Variants in PRKG2 observed in about 807,000 individuals in gnomAD.
PRKG2 encodes protein kinase cGMP-dependent 2.
In PRKG2, 33 loss-of-function variants were observed where a neutral mutation model predicts 97.2. The observed-to-expected ratio is 0.34, with a 90% CI of 0.26 to 0.45. The LOEUF (loss-of-function observed/expected upper bound fraction) is 0.45. Among genes scored for constraint, PRKG2 ranks in the 20% least tolerant of loss-of-function variants. The probability of loss-of-function intolerance (pLI) is 1.00; values close to 1 mark genes in which losing one functional copy is unlikely to be tolerated. For missense variants in PRKG2, 638 were observed against 900.0 expected (o/e 0.71, Z 3.73); for synonymous variants, 330 against 321.8 (o/e 1.03, Z -0.27).
intron 3 of PRKG2, among the ~76,000 whole-genome samples, chr4:81,174,496 T>C (rs560675923): frequency 2.8e-4 from 42 of 152,142 alleles, no homozygotes; most frequent in African/African-American, 9.9e-4. Context: ...TCCATGTTAG[T>C]AACATGGAGA....
intron 2 of PRKG2, among the ~76,000 whole-genome samples, chr4:81,202,435 C>A (rs1019000347): frequency 3.3e-5 from 5 of 152,072 alleles, no homozygotes; most frequent in African/African-American, 1.2e-4. Flanking sequence ...AGAATGTTTC[C>A]ATTTTTTATT....
intron 2 of PRKG2, among the ~76,000 whole-genome samples, chr4:81,178,080 TG>T (rs1189509712): frequency 7.7e-6 from 1 of 129,916 alleles, no homozygotes; most frequent in Non-Finnish European, 1.6e-5. Context: ...GGTGTCTACC[TG>T]GGGTCCTGGT....
At chr4:81,207,107 C>G (rs1299512388) in intron 1 of PRKG2, among the ~76,000 whole-genome samples, 1 of 152,072 alleles carries the variant, frequency 6.6e-6, no homozygotes, top group African/African-American at 2.4e-5. Context: ...AAAGAAGTAG[C>G]CCTGGACATA....
At chr4:81,130,123 C>T (rs1746022092) in intron 14 of PRKG2, among the ~76,000 whole-genome samples, 1 of 152,120 alleles carries the variant, frequency 6.6e-6, no homozygotes. Context: ...TTTTTCCTCA[C>T]TTACATGGAT....
At chr4:81,110,881 C>A (rs938349018) in intron 14 of PRKG2, among the ~76,000 whole-genome samples, 1 of 150,942 alleles carries the variant, frequency 6.6e-6, no homozygotes, top group Non-Finnish European at 1.5e-5. Context: ...TACCTCTCTG[C>A]CCACGACCCC....
At chr4:81,186,342 G>A (rs373302171) in intron 2 of PRKG2, among the ~76,000 whole-genome samples, 23 of 152,140 alleles carry the variant, frequency 1.5e-4, no homozygotes, top group African/African-American at 4.6e-4. Context: ...ACAACTATAT[G>A]GAAACTGAAC....
At chr4:81,138,911 G>A (rs1746980535) in intron 12 of PRKG2, among the ~76,000 whole-genome samples, 1 of 152,116 alleles carries the variant, frequency 6.6e-6, no homozygotes, top group South Asian at 2.1e-4. Flanking sequence ...AAACTTCTTT[G>A]TTGATCTTGG....
intron 14 of PRKG2, among the ~76,000 whole-genome samples, chr4:81,115,530 A>T (rs1419739735): frequency 6.6e-6 from 1 of 152,202 alleles, no homozygotes; most frequent in Non-Finnish European, 1.5e-5. Context: ...TTGGAAGTGT[A>T]TTTAATTTGT....
At chr4:81,199,116 T>G (rs142134222) in intron 2 of PRKG2, among the ~76,000 whole-genome samples, 2 of 152,210 alleles carry the variant, frequency 1.3e-5, no homozygotes, top group Admixed American at 6.5e-5. Flanking sequence ...AGCCTGTATA[T>G]ACACTCTTAA....
At chr4:81,130,830 C>T (rs1746101582) in intron 14 of PRKG2, among the ~76,000 whole-genome samples, 1 of 152,062 alleles carries the variant, frequency 6.6e-6, no homozygotes, top group Non-Finnish European at 1.5e-5. Context: ...TGATGCCCCT[C>T]CCCCCACCAA....
rs1449915661 is a variant in PRKG2, at chr4:81,088,496, A to C, written c.*1212T>G. On this transcript the variant is annotated 3_prime_UTR_variant, in exon 19 of 19. Coordinates refer to ENST00000264399, the MANE Select transcript of PRKG2 (RefSeq NM_006259.3). ...AATACATACAACCATTCACCAGTGA[A>C]GTTCTTAGGTACTAGGTCCCATGCT... The C allele has an allele frequency of 6.6e-6, 1 of 152,154 alleles. No homozygotes were observed. Among genetic ancestry groups the C allele is most frequent in the African/African-American group, 2.4e-5 (1 of 41,456 alleles). The allele number at this position is 152,154 out of a possible 1,614,324, so 9.4% of individuals were successfully genotyped here.
chr4:81,163,097 C>G (rs1371379730), intron 6 of PRKG2, among the ~76,000 whole-genome samples: 1 of 152,074 alleles, frequency 6.6e-6, no homozygotes, highest in Non-Finnish European at 1.5e-5. Flanking sequence ...GTATTTTTCT[C>G]CACGGATGAT....
intron 17 of PRKG2, among the ~76,000 whole-genome samples, chr4:81,099,698 G>A (rs1029580133): frequency 6.6e-6 from 1 of 152,076 alleles, no homozygotes; most frequent in African/African-American, 2.4e-5. Flanking sequence ...ACATAGTGTT[G>A]GAAGTTCTGG....
intron 6 of PRKG2, among the ~76,000 whole-genome samples, chr4:81,154,564 T>C (rs1289531557): frequency 2.7e-5 from 4 of 145,722 alleles, no homozygotes; most frequent in Non-Finnish European, 4.4e-5. Flanking sequence ...GGGTCCTGTC[T>C]GTTAGAAGGA....
chr4:81,171,653 A>G (rs1186062647), intron 4 of PRKG2, 38 bp downstream of exon 4: 19 of 1,494,872 alleles, frequency 1.3e-5, no homozygotes, highest in Non-Finnish European at 1.7e-5. Context: ...TTAACATGCC[A>G]CAACAATTCA....
In PRKG2 at chr4:81,138,580, AT is replaced by A. The variant is rs1289946826; in HGVS notation, c.1545-1099del. Reference sequence around the variant, plus strand: ...TTGATATATATTCATTGAAAAAAAAATATCCATTTTATTCTAATTGACCAGT... The same window carrying A: ...TTGATATATATTCATTGAAAAAAAAAATCCATTTTATTCTAATTGACCAGT... On this transcript the variant is annotated intron_variant, in intron 12 of 18. Transcript: ENST00000264399. 2.2e-4 allele frequency among the ~76,000 whole-genome samples: 33 copies of A among 152,256 alleles called. No individual in the cohort carries two copies. The East Asian group carries it at 3.1e-3, about 14-fold the overall frequency.
At chr4:81,105,299 C>T (rs2109970116) in intron 16 of PRKG2, among the ~76,000 whole-genome samples, 1 of 152,230 alleles carries the variant, frequency 6.6e-6, no homozygotes, top group Admixed American at 6.5e-5. Context: ...TCAGCCTCCC[C>T]TCTCCCTTCC....
At chr4:81,143,645 T>G (rs1227135083) in intron 10 of PRKG2, among the ~76,000 whole-genome samples, 1 of 152,174 alleles carries the variant, frequency 6.6e-6, no homozygotes, top group Non-Finnish European at 1.5e-5. Flanking sequence ...TAATTCAAAT[T>G]TAAGTTTTCT....
chr4:81,172,440 G>T (rs1750566509), intron 3 of PRKG2, among the ~76,000 whole-genome samples: 1 of 151,920 alleles, frequency 6.6e-6, no homozygotes, highest in African/African-American at 2.4e-5. Flanking sequence ...GTTACTTCAT[G>T]GTGCCTCAAT....
Sources: allele counts gnomAD v4.1 joint callset (sites outside exome capture counted in the v4.1 genomes callset), GRCh38; gene constraint gnomAD v4.1.1; transcripts MANE v1.5; gene names NCBI Gene and HGNC (gene_info 2026-07-23, HGNC 2026-07-21).